The following ADGRV1 variants were observed in gnomAD, a reference collection of about 807,000 sequenced individuals.
The protein encoded by ADGRV1 is G-protein coupled receptor 98.
ADGRV1 carries 359 observed loss-of-function variants against 596.2 expected under a neutral mutation model. The ratio of observed to expected loss-of-function variants is 0.60; its 90% confidence interval spans 0.55 to 0.66. ADGRV1 has a LOEUF of 0.66. Ranked by LOEUF, ADGRV1 falls within the 30% of genes least tolerant of loss-of-function variation. ADGRV1 has a pLI of 0.00. For synonymous variants in ADGRV1, 2,681 were observed against 2,679.2 expected, an observed-to-expected ratio of 1.00 and a Z score of -0.02; for missense variants, 7,274 against 7,575.6, an observed-to-expected ratio of 0.96 and a Z score of 1.48.
chr5:90,598,310 A>G (rs1468195044), intron 1 of ADGRV1, among the ~76,000 whole-genome samples: 1 of 152,248 alleles, frequency 6.6e-6, no homozygotes, highest in African/African-American at 2.4e-5. Flanking sequence ...TAGTGCCCAC[A>G]TGCCACACAT....
intron 85 of ADGRV1, among the ~76,000 whole-genome samples, chr5:91,058,937 C>T (rs1787149938): frequency 6.6e-6 from 1 of 152,200 alleles, no homozygotes; most frequent in Non-Finnish European, 1.5e-5. Flanking sequence ...ACTACCCCAA[C>T]TGAGGCACTG....
Position 90,987,461 on chromosome 5 carries a change from C to T in ADGRV1, c.18152+1939C>T, listed in dbSNP as rs371695602. ...CTCCAGCCTGGGTTACAGAACAAGA[C>T]TCTGACTCAAAAAAAAAAAAAAAAA... is the stretch of plus-strand genomic sequence containing the variant. On this transcript the variant is annotated intron_variant, in intron 85 of 89. Transcript: ENST00000405460. 6.2e-5 allele frequency among the ~76,000 whole-genome samples: 8 copies of T among 129,496 alleles called. No individual in the cohort carries two copies. The South Asian group carries it at 2.0e-3, about 33-fold the overall frequency. 85.0% of individuals were successfully genotyped at this position (129,496 alleles called of 152,430 possible). A position where few individuals can be genotyped will look rare whatever the true frequency, so the allele number is the denominator to read the frequency against.
chr5:91,102,745 CT>C (rs1791500852), intron 87 of ADGRV1, among the ~76,000 whole-genome samples: 1 of 152,160 alleles, frequency 6.6e-6, no homozygotes, highest in Non-Finnish European at 1.5e-5. Flanking sequence ...AAGCAGTCCC[CT>C]CTTAAGTGTG....
Position 90,815,553 on chromosome 5 carries a change from A to G in ADGRV1, c.16079-66A>G, listed in dbSNP as rs531502746. On this transcript the variant is annotated intron_variant, in intron 74 of 89. Transcript: ENST00000405460. ...TTAAACCATCTGAGCTGGCAAGATT[A>G]GTGGAGCATGGGAGGTCTTTTAAAT... The G allele has an allele frequency of 7.6e-4, 647 of 856,790 alleles. 1 individual carries two copies. In the African/African-American group the frequency reaches 9.6e-3, roughly 13 times the overall value. 53.1% of individuals were successfully genotyped at this position (856,790 alleles called of 1,614,324 possible). A position where few individuals can be genotyped will look rare whatever the true frequency, so the allele number is the denominator to read the frequency against.
chr5:90,597,835 T>C (rs564295599), intron 1 of ADGRV1, among the ~76,000 whole-genome samples: 1 of 152,260 alleles, frequency 6.6e-6, no homozygotes, highest in Non-Finnish European at 1.5e-5. Flanking sequence ...TGGGTTATTC[T>C]TAGAGAAGAG....
At chr5:90,717,949 C>T (rs1471150460) in intron 43 of ADGRV1, 3 of 152,184 alleles carry the variant, frequency 2.0e-5, no homozygotes, top group Non-Finnish European at 2.9e-5. Context: ...CTGTGCCGGG[C>T]CTGTGATTAT....
intron 85 of ADGRV1, among the ~76,000 whole-genome samples, chr5:91,030,582 CT>C (rs1254430771): frequency 7.5e-6 from 1 of 133,176 alleles, no homozygotes; most frequent in African/African-American, 2.8e-5. Flanking sequence ...TATGTTTCAT[CT>C]TGTATAAAAT....
intron 43 of ADGRV1, chr5:90,717,286 T>A (rs1262092413): frequency 6.6e-6 from 1 of 152,172 alleles, no homozygotes; most frequent in Non-Finnish European, 1.5e-5. Flanking sequence ...AACTTTATTT[T>A]TTAAAACAGT....
At chr5:90,838,040 G>C (rs1429361499) in intron 77 of ADGRV1, among the ~76,000 whole-genome samples, 15 of 152,006 alleles carry the variant, frequency 9.9e-5, no homozygotes, top group Non-Finnish European at 1.5e-5. Context: ...ATTGTTCTAT[G>C]GTCCCTGTTT....
chr5:91,001,424 TTCAAGTTGACACATGAAATTAACCA>T (rs1781849007), intron 85 of ADGRV1, among the ~76,000 whole-genome samples: 1 of 152,182 alleles, frequency 6.6e-6, no homozygotes, highest in Non-Finnish European at 1.5e-5. Flanking sequence ...TATGTCATAT[TTCAAGTTGACACATGAAATTAACCA>T]TCACATGTCA....
chr5:90,852,730 A>G (rs1364879235), intron 79 of ADGRV1, among the ~76,000 whole-genome samples: 1 of 152,228 alleles, frequency 6.6e-6, no homozygotes, highest in Non-Finnish European at 1.5e-5. Context: ...TCTTCAAAAC[A>G]GACTTGTTAA....
At chr5:91,042,312 T>A (rs1266168138) in intron 85 of ADGRV1, among the ~76,000 whole-genome samples, 2 of 152,218 alleles carry the variant, frequency 1.3e-5, no homozygotes, top group Admixed American at 1.3e-4. Flanking sequence ...ACAGTACAGT[T>A]GATATATTAA....
chr5:90,949,187 G>A (rs1490698420), intron 83 of ADGRV1, among the ~76,000 whole-genome samples: 1 of 152,122 alleles, frequency 6.6e-6, no homozygotes, highest in African/African-American at 2.4e-5. Flanking sequence ...AATTAATGAT[G>A]ATGATGCAAG....
At chr5:90,716,323 AAATTCT>A in intron 42 of ADGRV1, 138 bp from the exon 43 acceptor site, 1 of 492,876 alleles carries the variant, frequency 2.0e-6, no homozygotes, top group East Asian at 3.1e-5. Context: ...ATGCTTTAAA[AAATTCT>A]GTCATTTTTA....
At chr5:90,781,771 G>C (rs993182444) in intron 65 of ADGRV1, among the ~76,000 whole-genome samples, 193 bp downstream of exon 65, 1 of 152,084 alleles carries the variant, frequency 6.6e-6, no homozygotes, top group Non-Finnish European at 1.5e-5. Context: ...GAACCTTACT[G>C]TGAATGGCAA....
intron 83 of ADGRV1, among the ~76,000 whole-genome samples, chr5:90,954,381 T>C (rs976016167): frequency 6.6e-6 from 1 of 152,130 alleles, no homozygotes; most frequent in African/African-American, 2.4e-5. Context: ...GAATGAGATA[T>C]GAAAAGACAG....
At chr5:90,804,942 A>G (rs2150198916) in intron 71 of ADGRV1, 2 of 163,510 alleles carry the variant, frequency 1.2e-5, no homozygotes. Flanking sequence ...TTAGTTCTAC[A>G]AATGAGGTTC....
intron 9 of ADGRV1, 140 bp from the exon 10 acceptor site, chr5:90,634,974 T>G: frequency 3.5e-6 from 2 of 579,238 alleles, no homozygotes; most frequent in Non-Finnish European, 6.1e-6. Flanking sequence ...GGATGGTGAA[T>G]GAGAGAGGAG....
chr5:90,945,855 G>A (rs1776530861), intron 83 of ADGRV1, among the ~76,000 whole-genome samples: 2 of 152,050 alleles, frequency 1.3e-5, no homozygotes, highest in African/African-American at 2.4e-5. Context: ...GTGTGTGCCT[G>A]TAGTCCCAGC....
Sources: allele counts gnomAD v4.1 joint callset (sites outside exome capture counted in the v4.1 genomes callset), GRCh38; gene constraint gnomAD v4.1.1; transcripts MANE v1.5; gene names NCBI Gene and HGNC (gene_info 2026-07-23, HGNC 2026-07-21).